The following VIM variants were observed in gnomAD, a reference collection of about 807,000 sequenced individuals.
The protein encoded by VIM is vimentin.
In VIM, 18 loss-of-function variants were observed where a neutral mutation model predicts 50.3. The ratio of observed to expected loss-of-function variants is 0.36; its 90% CI spans 0.25 to 0.53. The LOEUF is 0.53. Ranked by LOEUF, VIM falls within the 20% of genes least tolerant of loss-of-function variation. The pLI is 0.91. For synonymous variants in VIM, 245 were observed against 248.5 expected, an observed-to-expected ratio of 0.99 and a Z score of 0.13; for missense variants, 551 against 614.7, an observed-to-expected ratio of 0.90 and a Z score of 1.10.
In VIM at chr10:17,237,498, T is replaced by C; in HGVS notation, c.*227T>C. 1.9e-6 allele frequency: 1 copy of C among 529,712 alleles called. No individual in the cohort carries two copies. The highest frequency in any genetic ancestry group is 3.0e-5 in the East Asian group (1 of 32,930). The allele number at this position is 529,712 out of a possible 1,614,324, so 32.8% of individuals were successfully genotyped here. A position where few individuals can be genotyped will look rare whatever the true frequency, so the allele number is the denominator to read the frequency against. On this transcript the variant is annotated 3_prime_UTR_variant, in exon 10 of 10. Coordinates refer to ENST00000544301, the MANE Select transcript of VIM (RefSeq NM_003380.5). Reference sequence around the variant, plus strand: ...GAAAAATCTTGTGCTAGAATACTTTTTAAAAGGTATTTTGAATACCATTAA... The same window carrying C: ...GAAAAATCTTGTGCTAGAATACTTTCTAAAAGGTATTTTGAATACCATTAA...
intron 5 of VIM, 64 bp downstream of exon 5, chr10:17,233,995 T>A (rs530252415): frequency 1.1e-4 from 172 of 1,553,858 alleles, no homozygotes; most frequent in Non-Finnish European, 1.5e-4. Flanking sequence ...ACCCCATACC[T>A]GTGTGTGATT....
chr10:17,237,462 T>G lies in VIM; in HGVS notation c.*191T>G, dbSNP rs559111736. 1.7e-6 allele frequency: 1 copy of G among 581,368 alleles called. No homozygotes were observed. Among genetic ancestry groups the G allele is most frequent in the East Asian group, 2.9e-5 (1 of 34,904 alleles). 36.0% of individuals were successfully genotyped at this position (581,368 alleles called of 1,614,324 possible). The stretch of plus-strand genomic sequence containing the variant: ...ATTTAGAAAAAAGTTTACAACATAA[T>G]CTAGTTTACAGAAAAATCTTGTGCT... On this transcript the variant is annotated 3_prime_UTR_variant, in exon 10 of 10. Transcript: ENST00000544301.
intron 7 of VIM, 161 bp downstream of exon 7, chr10:17,235,550 G>A (rs1317361159): frequency 4.8e-6 from 4 of 833,806 alleles, no homozygotes; most frequent in Non-Finnish European, 7.7e-6. Flanking sequence ...GAGAGAGTAA[G>A]TGACTTGCTG....
intron 1 of VIM, chr10:17,228,994 C>T (rs1846729413): frequency 4.2e-6 from 1 of 240,584 alleles, no homozygotes; most frequent in South Asian, 5.1e-5. Context: ...ACCCCCCCCT[C>T]ACCGCGCGAC....
intron 9 of VIM, among the ~76,000 whole-genome samples, chr10:17,236,753 A>G (rs981215910): frequency 3.3e-5 from 5 of 152,200 alleles, no homozygotes; most frequent in African/African-American, 7.2e-5. Context: ...CTACCTCCAT[A>G]CTTTATAGAT....
In VIM at chr10:17,233,825, A is replaced by G; in HGVS notation, c.776A>G (p.Asp259Gly). 3 of 1,614,170 alleles carry G rather than the reference A, an allele frequency of 1.9e-6. No homozygotes were observed. The highest frequency in any genetic ancestry group is 2.5e-6 in the Non-Finnish European group (3 of 1,180,028). The change falls in exon 5 of 10, where the codon GAT becomes GGT. Residue 259 changes from aspartate to glycine, a missense_variant. By Grantham distance (94) the Asp-to-Gly change is moderately conservative. Coordinates refer to ENST00000544301, the MANE Select transcript of VIM (RefSeq NM_003380.5). The part of the protein sequence containing the change: ...IQEQHVQIDV[D>G]VSKPDLTAAL... ...GAACAGCATGTCCAAATCGATGTGG[A>G]TGTTTCCAAGCCTGACCTCACGGCT...
In VIM at chr10:17,237,371, C is replaced by T; in HGVS notation, c.*100C>T. ...TTTCAAGTGCCTTTCTGCAGTTTTTCAGGAGCGCAAGATAGATTTGGAATA... is the reference window on the plus strand; with the variant it reads ...TTTCAAGTGCCTTTCTGCAGTTTTTTAGGAGCGCAAGATAGATTTGGAATA... On this transcript the variant is annotated 3_prime_UTR_variant, in exon 10 of 10. Coordinates refer to ENST00000544301, the MANE Select transcript of VIM (RefSeq NM_003380.5). 1 of 1,171,562 alleles carries T rather than the reference C, an allele frequency of 8.5e-7. No homozygotes were observed. The highest frequency in any genetic ancestry group is 1.5e-5 in the African/African-American group (1 of 64,962). The allele number at this position is 1,171,562 out of a possible 1,614,324, so 72.6% of individuals were successfully genotyped here. A position where few individuals can be genotyped will look rare whatever the true frequency, so the allele number is the denominator to read the frequency against.
chr10:17,230,780 G>A, intron 3 of VIM, 70 bp downstream of exon 3: 2 of 1,586,928 alleles, frequency 1.3e-6, no homozygotes, highest in South Asian at 2.2e-5. Flanking sequence ...AATTCTAAAA[G>A]TTGCTTAACT....
chr10:17,233,318 G>A (rs912949109), intron 3 of VIM: 68 of 442,936 alleles, frequency 1.5e-4, no homozygotes, highest in South Asian at 8.3e-4. Flanking sequence ...TTTACCATGT[G>A]TGTGGACATT....
In VIM at chr10:17,229,550, C is replaced by T. The variant is rs758730926; in HGVS notation, c.128C>T (p.Ala43Val). ...TSTRTYSLGS[A>V]LRPSTSRSLY... Reference sequence around the variant, plus strand: ...ACCCGCACCTACAGCCTGGGCAGCGCGCTGCGCCCCAGCACCAGCCGCAGC... The same window carrying T: ...ACCCGCACCTACAGCCTGGGCAGCGTGCTGCGCCCCAGCACCAGCCGCAGC... Residue 43 changes from alanine to valine, a missense_variant, in exon 2 of 10, where the codon GCG (alanine) becomes GTG (valine). By Grantham distance (64) the Ala-to-Val change is moderately conservative. Transcript: ENST00000544301. 1.2e-6 allele frequency: 2 copies of T among 1,607,952 alleles called. No homozygotes were observed. Among genetic ancestry groups the T allele is most frequent in the Non-Finnish European group, 8.5e-7 (1 of 1,178,830 alleles).
Position 17,234,777 on chromosome 10 carries a change from G to A in VIM, c.967G>A (p.Val323Met). The A allele has an allele frequency of 6.2e-7, 1 of 1,614,186 alleles. No homozygotes were observed. The highest frequency in any genetic ancestry group is 8.5e-7 in the Non-Finnish European group (1 of 1,180,036). ...KQESTEYRRQ[V>M]QSLTCEVDAL... ...GGAGTCCACTGAGTACCGGAGACAG[G>A]TGCAGTCCCTCACCTGTGAAGTGGA... Residue 323 changes from valine to methionine, a missense_variant, in exon 6 of 10, where the codon GTG (valine) becomes ATG (methionine). By Grantham distance (21) the Val-to-Met change is conservative. Coordinates refer to ENST00000544301, the MANE Select transcript of VIM (RefSeq NM_003380.5).
chr10:17,236,206 A>C, intron 8 of VIM, 88 bp from the exon 9 acceptor site: 1 of 1,092,500 alleles, frequency 9.2e-7, no homozygotes, highest in Non-Finnish European at 1.4e-6. Flanking sequence ...TCTCCCCCAC[A>C]AATCATAATT....
At chr10:17,230,555 C>T (rs1846770351) in intron 2 of VIM, 95 bp from the exon 3 acceptor site, 1 of 1,400,074 alleles carries the variant, frequency 7.1e-7, no homozygotes, top group Non-Finnish European at 1.0e-6. Flanking sequence ...CGCAGCTGCT[C>T]TGGAGGCGCA....
chr10:17,236,445 G>C, intron 9 of VIM, 66 bp downstream of exon 9: 1 of 1,315,224 alleles, frequency 7.6e-7, no homozygotes, highest in Non-Finnish European at 1.1e-6. Flanking sequence ...TAAAATCAGT[G>C]AATCTGAATC....
chr10:17,230,347 G>T (rs529197835), intron 2 of VIM: 1 of 569,374 alleles, frequency 1.8e-6, no homozygotes. Context: ...GCCAATCACC[G>T]GGCGGGAGAA....
At chr10:17,237,099 A>G (rs1846903454) in intron 9 of VIM, 131 bp from the exon 10 acceptor site, 1 of 842,118 alleles carries the variant, frequency 1.2e-6, no homozygotes. Context: ...CTCATGCAGA[A>G]GCAACATAAC....
chr10:17,230,864 T>G, intron 3 of VIM, 154 bp downstream of exon 3: 2 of 752,694 alleles, frequency 2.7e-6, no homozygotes, highest in Non-Finnish European at 4.4e-6. Context: ...AGGTTGGAGC[T>G]TCTCATGATT....
Position 17,229,805 on chromosome 10 carries a change from A to G in VIM, c.383A>G (p.Asn128Ser), listed in dbSNP as rs1846750746. The change falls in exon 2 of 10, where the codon AAT becomes AGT. Residue 128 changes from asparagine (N) to serine (S), a missense_variant. Asn to Ser is a conservative substitution (Grantham distance 46). This residue lies in a region of VIM where 394 missense variants were observed against 437.5 expected (regional missense o/e 0.90). Transcript: ENST00000544301. ...IDKVRFLEQQ[N>S]KILLAELEQL... ...AAGGTGCGCTTCCTGGAGCAGCAGA[A>G]TAAGATCCTGCTGGCCGAGCTCGAG... 2.5e-6 allele frequency: 4 copies of G among 1,598,110 alleles called. No individual in the cohort carries two copies. Among genetic ancestry groups the G allele is most frequent in the East Asian group, 4.5e-5 (2 of 44,394 alleles).
chr10:17,228,933 AC>A (rs1846727964), intron 1 of VIM: 1 of 163,042 alleles, frequency 6.1e-6, no homozygotes, highest in Non-Finnish European at 1.3e-5. Flanking sequence ...ACCTCCTCCC[AC>A]GCCCCTTTGG....
Sources: allele counts gnomAD v4.1 joint callset (sites outside exome capture counted in the v4.1 genomes callset), GRCh38; gene constraint gnomAD v4.1.1; regional missense constraint gnomAD v4.1.1; transcripts MANE v1.5; gene names NCBI Gene and HGNC (gene_info 2026-07-23, HGNC 2026-07-21).